SPG7: variants seen among roughly 807,000 people sequenced by gnomAD.
The protein encoded by SPG7 is mitochondrial inner membrane m-AAA protease component paraplegin.
A neutral mutation model predicts 81.9 loss-of-function variants in SPG7; 103 were observed. The observed-to-expected ratio is 1.26, with a 90% confidence interval of 1.07 to 1.48. The LOEUF (loss-of-function observed/expected upper bound fraction) is 1.48. Ranked by LOEUF, SPG7 falls within the 40% of genes most tolerant of loss-of-function variation. The pLI is 0.00. For synonymous variants in SPG7, 534 were observed against 444.2 expected (o/e 1.20, Z -2.54); for missense variants, 1,241 against 1,087.3 (o/e 1.14, Z -1.99).
chr16:89,545,013 G>A lies in SPG7; in HGVS notation c.1449+241G>A, dbSNP rs948155655. 8.7e-6 allele frequency: 5 copies of A among 573,624 alleles called. No homozygotes were observed. In the East Asian group the frequency reaches 1.5e-4, roughly 18 times the overall value. 35.5% of individuals were successfully genotyped at this position (573,624 alleles called of 1,614,324 possible). A position where few individuals can be genotyped will look rare whatever the true frequency, so the allele number is the denominator to read the frequency against. ...CGCCCCCTGGCAGACCTGCCCAATG[G>A]CTGCACTCACTGCTCGGGGTTTTGC... On this transcript the variant is annotated intron_variant, in intron 10 of 16. Transcript: ENST00000645818.
chr16:89,511,309 C>T (rs2058019140), intron 2 of SPG7, among the ~76,000 whole-genome samples: 1 of 152,172 alleles, frequency 6.6e-6, no homozygotes, highest in Admixed American at 6.5e-5. Context: ...ATAATTTGCT[C>T]TTCAATAAAT....
At chr16:89,516,408 C>T (rs2152396171) in intron 3 of SPG7, among the ~76,000 whole-genome samples, 1 of 151,898 alleles carries the variant, frequency 6.6e-6, no homozygotes, top group South Asian at 2.1e-4. Context: ...AAAAATTAGC[C>T]AGGTGTGGTG....
chr16:89,531,131 C>G (rs1466356864), intron 7 of SPG7: 1 of 447,690 alleles, frequency 2.2e-6, no homozygotes, highest in Non-Finnish European at 4.2e-6. Context: ...GGTGGCAGTG[C>G]ATGAGCTGCC....
intron 11 of SPG7, 186 bp downstream of exon 11, chr16:89,546,946 G>A (rs952248963): frequency 1.3e-5 from 8 of 609,640 alleles, no homozygotes; most frequent in South Asian, 8.6e-5. Context: ...GACGGCACCC[G>A]CACTCCGTCC....
intron 10 of SPG7, chr16:89,546,315 C>T (rs1001739700): frequency 8.8e-6 from 3 of 340,302 alleles, no homozygotes; most frequent in Admixed American, 8.2e-5. Context: ...CTTCAGCCTC[C>T]CAAAGTGCTA....
rs890765662 is a variant in SPG7, at chr16:89,550,675, T to A, written c.1779+66T>A. ...AGGTGGGTGGGGAGTCCCGCCTGTG[T>A]CTGTAGCTGACTGGGGAGTCCCGCC... On this transcript the variant is annotated intron_variant, in intron 13 of 16. Coordinates refer to ENST00000645818, the MANE Select transcript of SPG7 (RefSeq NM_003119.4). The A allele has an allele frequency of 7.4e-6, 8 of 1,085,188 alleles. No individual in the cohort carries two copies. In the African/African-American group the frequency reaches 1.2e-4, roughly 17 times the overall value. The allele number at this position is 1,085,188 out of a possible 1,614,324, so 67.2% of individuals were successfully genotyped here.
intron 2 of SPG7, among the ~76,000 whole-genome samples, chr16:89,511,912 G>GTTGTTTAA (rs1555609320): frequency 3.5e-4 from 53 of 151,080 alleles, no homozygotes; most frequent in African/African-American, 1.2e-3. Flanking sequence ...TGTTGTTGTT[G>GTTGTTTAA]TTTATTATTA....
rs555731734 is a variant in SPG7 at position 89,532,655 on chromosome 16, C to T, written c.1324+19C>T. 75 of 1,612,656 alleles carry T rather than the reference C, an allele frequency of 4.7e-5. No individual in the cohort carries two copies. Among genetic ancestry groups the T allele is most frequent in the Admixed American group, 1.0e-4 (6 of 60,014 alleles). On this transcript the variant is annotated intron_variant, in intron 9 of 16. Coordinates refer to ENST00000645818, the MANE Select transcript of SPG7 (RefSeq NM_003119.4). ...ATGGATGGTCAGTGCTCGTGCGCCCCGCACCCCCATTGCACCATCAGAGGA... is the reference window on the plus strand; with the variant it reads ...ATGGATGGTCAGTGCTCGTGCGCCCTGCACCCCCATTGCACCATCAGAGGA...
At chr16:89,547,046 G>C (rs2058573882) in intron 11 of SPG7, 1 of 411,576 alleles carries the variant, frequency 2.4e-6, no homozygotes, top group Non-Finnish European at 4.6e-6. Context: ...ACAGTGACCA[G>C]TCATGCCGGC....
At chr16:89,536,730 C>T (rs373073547) in intron 9 of SPG7, 57 of 1,612,120 alleles carry the variant, frequency 3.5e-5, no homozygotes, top group South Asian at 8.8e-5. Flanking sequence ...CCAAGGTCTT[C>T]GTCCTGTGAG....
chr16:89,548,111 C>A lies in SPG7; in HGVS notation c.1661C>A (p.Ala554Glu). ...NFEYAVERVL[A>E]GTAKKSKILS... ...GAGTACGCCGTGGAGCGCGTCCTCG[C>A]AGGTACAGGGGGCGCGCCCTGGGTG... Residue 554 changes from alanine (A) to glutamate (E), a missense_variant and splice_region_variant, in exon 12 of 17, where the codon GCA becomes GAA. Ala to Glu is a moderately radical substitution (Grantham distance 107). Coordinates refer to ENST00000645818, the MANE Select transcript of SPG7 (RefSeq NM_003119.4). 1 of 1,600,178 alleles carries A rather than the reference C, an allele frequency of 6.2e-7. No individual in the cohort carries two copies.
At chr16:89,530,402 C>T in intron 6 of SPG7, 1 of 464,798 alleles carries the variant, frequency 2.2e-6, no homozygotes, top group Non-Finnish European at 4.0e-6. Flanking sequence ...TCTCGGCCTC[C>T]CAAAGTGCTA....
At chr16:89,513,163 T>A (rs2058045160) in intron 3 of SPG7, 126 bp downstream of exon 3, 2 of 1,399,182 alleles carry the variant, frequency 1.4e-6, no homozygotes, top group Admixed American at 2.0e-5. Context: ...TGGCTCACAC[T>A]TGTAATCGAA....
chr16:89,546,230 G>T (rs364343), intron 10 of SPG7: 9 of 308,476 alleles, frequency 2.9e-5, no homozygotes, highest in African/African-American at 2.0e-4. Context: ...GGGATTACAG[G>T]CACCCGCCGT....
At chr16:89,528,285 G>C (rs1200312177) in intron 5 of SPG7, among the ~76,000 whole-genome samples, 1 of 151,948 alleles carries the variant, frequency 6.6e-6, no homozygotes, top group Non-Finnish European at 1.5e-5. Context: ...CCAGCTACTC[G>C]GGAGGCTGAG....
intron 9 of SPG7, 78 bp downstream of exon 9, chr16:89,532,714 G>A: frequency 6.4e-7 from 1 of 1,568,000 alleles, no homozygotes. Context: ...AGGTTGTGGT[G>A]AGCCAAGATC....
chr16:89,520,982 C>T (rs2058180513), intron 3 of SPG7: 1 of 152,256 alleles, frequency 6.6e-6, no homozygotes, highest in Non-Finnish European at 1.5e-5. Context: ...GTTTGCGCCA[C>T]CCCAGAACGT....
At chr16:89,537,546 T>C (rs1313625489) in intron 9 of SPG7, 8 of 987,120 alleles carry the variant, frequency 8.1e-6, no homozygotes, top group Non-Finnish European at 9.6e-6. Context: ...TTTTTTTTTC[T>C]TCAGAGACAG....
chr16:89,524,381 G>T, intron 4 of SPG7, 134 bp downstream of exon 4: 1 of 984,582 alleles, frequency 1.0e-6, no homozygotes, highest in Non-Finnish European at 1.5e-6. Flanking sequence ...ACCTGTGATT[G>T]AGGGCATGCT....
Sources: gnomAD v4.1 joint callset for allele counts (sites outside exome capture counted in the v4.1 genomes callset) on GRCh38, gnomAD v4.1.1 for gene constraint, MANE v1.5 for transcripts, NCBI Gene and HGNC (gene_info 2026-07-23, HGNC 2026-07-21) for gene names.